The following ZPBP variants were observed in gnomAD, a reference collection of about 807,000 sequenced individuals.
ZPBP encodes the protein zona pellucida binding protein, also known as zona pellucida-binding protein 1.
In ZPBP, 26 loss-of-function variants were observed where a neutral mutation model predicts 44.8. The ratio of observed to expected loss-of-function variants is 0.58; its 90% CI spans 0.43 to 0.81. The LOEUF (loss-of-function observed/expected upper bound fraction) is 0.81, where lower values mean the gene tolerates loss of function less well. Ranked by LOEUF, ZPBP falls within the 30% of genes least tolerant of loss-of-function variation. The pLI, the probability that ZPBP is intolerant of heterozygous loss-of-function variation, is 0.00. For missense variants in ZPBP, 409 were observed against 434.0 expected (o/e 0.94, Z 0.51); for synonymous variants, 174 against 153.2 (o/e 1.14, Z -1.00).
intron 1 of ZPBP, chr7:49,914,216 A>G (rs1793604147): frequency 6.6e-6 from 1 of 152,240 alleles, no homozygotes; most frequent in South Asian, 2.1e-4. Flanking sequence ...ATGCAGTTAG[A>G]GACTCAGTCC....
In ZPBP at chr7:50,031,244, A is replaced by T. The variant is rs1331843620; in HGVS notation, c.554T>A (p.Ile185Asn). ...ARYHAAPCNSIYNISFEKKLL... is the reference protein window; with the variant it reads ...ARYHAAPCNSNYNISFEKKLL... The stretch of plus-strand genomic sequence containing the variant: ...TTTCTTCTCAAAAGAAATATTATAA[A>T]TGCTATTGCAGGGAGCTGCATGATA... Residue 185 changes from isoleucine (I) to asparagine (N), a missense_variant, in exon 5 of 8, where the codon ATT becomes AAT. By Grantham distance (149) the Ile-to-Asn change is moderately radical (BLOSUM62 -3). Coordinates refer to ENST00000046087, the MANE Select transcript of ZPBP (RefSeq NM_007009.3). The T allele has an allele frequency of 1.2e-6, 2 of 1,612,542 alleles. No individual in the cohort carries two copies. Among genetic ancestry groups the T allele is most frequent in the African/African-American group, 2.7e-5 (2 of 74,860 alleles).
intron 6 of ZPBP, among the ~76,000 whole-genome samples, chr7:50,003,423 A>C (rs1263228225): frequency 6.6e-6 from 1 of 152,160 alleles, no homozygotes; most frequent in Non-Finnish European, 1.5e-5. Context: ...AGACTATCCC[A>C]CCTCACCTCC....
At chr7:49,975,405 TG>T (rs2128772785) in intron 7 of ZPBP, among the ~76,000 whole-genome samples, 1 of 152,296 alleles carries the variant, frequency 6.6e-6, no homozygotes, top group Non-Finnish European at 1.5e-5. Context: ...TTCAGGGTTT[TG>T]GAGGGTCAAG....
intron 6 of ZPBP, among the ~76,000 whole-genome samples, chr7:50,003,412 C>T (rs1490039077): frequency 6.6e-6 from 1 of 152,170 alleles, no homozygotes; most frequent in East Asian, 1.9e-4. Flanking sequence ...CACTCTAGCT[C>T]AGACTATCCC....
chr7:49,951,861 T>C (rs1401071826), intron 7 of ZPBP, among the ~76,000 whole-genome samples: 1 of 151,770 alleles, frequency 6.6e-6, no homozygotes, highest in African/African-American at 2.4e-5. Flanking sequence ...ATTGTATATA[T>C]ATATAAAATG....
intron 2 of ZPBP, among the ~76,000 whole-genome samples, chr7:49,886,559 G>C (rs186116712): frequency 6.6e-6 from 1 of 151,954 alleles, no homozygotes; most frequent in African/African-American, 2.4e-5. Context: ...TCCCTATTCA[G>C]TTCTTTTAGA....
intron 4 of ZPBP, among the ~76,000 whole-genome samples, chr7:50,040,415 C>T (rs748414599): frequency 6.6e-6 from 1 of 152,158 alleles, no homozygotes; most frequent in African/African-American, 2.4e-5. Context: ...CAGTTCCCAG[C>T]GAGATCAACG....
intron 2 of ZPBP, among the ~76,000 whole-genome samples, chr7:49,853,750 A>G (rs1054201874): frequency 3.3e-5 from 5 of 152,098 alleles, no homozygotes; most frequent in African/African-American, 1.2e-4. Context: ...GTTCTAGGGT[A>G]CATGTGCACA....
chr7:50,029,117 T>C (rs950321034), intron 5 of ZPBP, among the ~76,000 whole-genome samples: 7 of 152,148 alleles, frequency 4.6e-5, no homozygotes, highest in African/African-American at 7.2e-5. Flanking sequence ...CAAAATGGTG[T>C]ACTGACAGAA....
At chr7:50,047,930 C>T (rs1800470129) in intron 4 of ZPBP, among the ~76,000 whole-genome samples, 1 of 152,062 alleles carries the variant, frequency 6.6e-6, no homozygotes, top group Non-Finnish European at 1.5e-5. Flanking sequence ...AATATGTTTC[C>T]GTTGGATTTA....
At chr7:50,022,944 C>G (rs942555491) in intron 5 of ZPBP, among the ~76,000 whole-genome samples, 1 of 151,994 alleles carries the variant, frequency 6.6e-6, no homozygotes, top group Non-Finnish European at 1.5e-5. Flanking sequence ...TCCAAACTTC[C>G]CTGAGCTTTA....
chr7:49,982,266 TTATA>T (rs1406113417), intron 7 of ZPBP, among the ~76,000 whole-genome samples: 1 of 111,110 alleles, frequency 9.0e-6, no homozygotes, highest in Non-Finnish European at 1.7e-5. Flanking sequence ...ATATTATATA[TTATA>T]TATAATTTAT....
chr7:49,882,461 A>T (rs1486912457), intron 2 of ZPBP, among the ~76,000 whole-genome samples: 1 of 152,144 alleles, frequency 6.6e-6, no homozygotes, highest in East Asian at 1.9e-4. Context: ...TTTTCACTGT[A>T]AAGAGAAAGA....
At chr7:49,935,899 T>C (rs1322098653), downstream of ZPBP, 1 of 152,210 alleles carries the variant, frequency 6.6e-6, no homozygotes, top group Non-Finnish European at 1.5e-5. Context: ...TCCCCAGTAC[T>C]TAGCATGTGC....
chr7:50,016,993 C>T (rs1798847502), intron 6 of ZPBP, among the ~76,000 whole-genome samples: 1 of 152,044 alleles, frequency 6.6e-6, no homozygotes, highest in Admixed American at 6.6e-5. Context: ...GCCTTTTTGG[C>T]AGCAGGGACT....
chr7:50,018,150 C>T (rs928282486), intron 6 of ZPBP, 90 bp downstream of exon 6: 30 of 933,762 alleles, frequency 3.2e-5, no homozygotes, highest in East Asian at 7.3e-5. Context: ...GGGGATTCAA[C>T]GTATTTTATA....
At chr7:50,032,600 C>A (rs1273006316) in intron 4 of ZPBP, among the ~76,000 whole-genome samples, 1 of 152,110 alleles carries the variant, frequency 6.6e-6, no homozygotes, top group East Asian at 1.9e-4. Context: ...AGGTGGGAGG[C>A]TGCTTGCAGG....
intron 3 of ZPBP, among the ~76,000 whole-genome samples, chr7:50,068,112 G>A (rs1418757386): frequency 6.6e-6 from 1 of 152,126 alleles, no homozygotes; most frequent in Admixed American, 6.5e-5. Context: ...CCTCTTAGAG[G>A]AGAGACTCCT....
At chr7:49,907,693 T>C (rs1469354602) in intron 1 of ZPBP, among the ~76,000 whole-genome samples, 1 of 152,144 alleles carries the variant, frequency 6.6e-6, no homozygotes, top group East Asian at 1.9e-4. Flanking sequence ...AATGTATATA[T>C]TGGTTTGGTC....
Sources: allele counts gnomAD v4.1 joint callset (sites outside exome capture counted in the v4.1 genomes callset), GRCh38; gene constraint gnomAD v4.1.1; transcripts MANE v1.5; gene names NCBI Gene and HGNC (gene_info 2026-07-23, HGNC 2026-07-21).